Variants in ZFP91 observed in about 807,000 individuals in gnomAD.
The protein encoded by ZFP91 is E3 ubiquitin-protein ligase ZFP91.
In ZFP91, 7 loss-of-function variants were observed where a neutral mutation model predicts 63.5. The observed-to-expected ratio is 0.11, with a 90% CI of 0.06 to 0.21. The LOEUF (loss-of-function observed/expected upper bound fraction) is 0.21. Among genes scored for constraint, ZFP91 ranks in the 10% least tolerant of loss-of-function variants. ZFP91 has a pLI of 1.00. For synonymous variants in ZFP91, 330 were observed against 272.1 expected (o/e 1.21, Z -2.10); for missense variants, 628 against 736.6 (o/e 0.85, Z 1.71).
intron 2 of ZFP91, among the ~76,000 whole-genome samples, chr11:58,587,086 C>T (rs1855222917): frequency 6.6e-6 from 1 of 152,004 alleles, no homozygotes; most frequent in East Asian, 1.9e-4. Context: ...AATTAAGTTG[C>T]AAAGTTGCAA....
intron 2 of ZFP91, among the ~76,000 whole-genome samples, chr11:58,595,584 T>G (rs956521150): frequency 3.3e-5 from 5 of 151,860 alleles, no homozygotes; most frequent in African/African-American, 1.2e-4. Context: ...TTTTTTTTTT[T>G]TTTTTGGTTT....
In ZFP91 at chr11:58,584,880, TA is replaced by T; in HGVS notation, c.369del (p.Asp124IlefsTer95). On this transcript the variant is annotated frameshift_variant, in exon 2 of 11. Coordinates refer to ENST00000316059, the MANE Select transcript of ZFP91 (RefSeq NM_053023.5). LOFTEE classifies it high-confidence loss of function. ...GATGCATAGAAAAAGTAACAACTGA[TA>T]AAGGTAAGACTTGGTCATCCTTACC... The part of the protein sequence containing the change: ...LLCIEKVTTD[K>X]DPKEEKEEED... 1 of 1,529,496 alleles carries T rather than the reference TA, an allele frequency of 6.5e-7. No homozygotes were observed. Among genetic ancestry groups the T allele is most frequent in the Non-Finnish European group, 8.7e-7 (1 of 1,147,624 alleles). 94.7% of individuals were successfully genotyped at this position (1,529,496 alleles called of 1,614,324 possible). A position where few individuals can be genotyped will look rare whatever the true frequency, so the allele number is the denominator to read the frequency against.
At chr11:58,608,207 C>CAT (rs1380879869) in intron 2 of ZFP91, among the ~76,000 whole-genome samples, 2 of 151,430 alleles carry the variant, frequency 1.3e-5, no homozygotes, top group Non-Finnish European at 2.9e-5. Context: ...ATATATCTTA[C>CAT]ATATATATCT....
chr11:58,579,413 C>A lies in ZFP91; in HGVS notation c.132C>A (p.Thr44=). ...CGGTCGCGGCGGCGCCTGCAGGGACCACTAGCAGCCGCGTGCTGAGGGGAG... is the reference window on the plus strand; with the variant it reads ...CGGTCGCGGCGGCGCCTGCAGGGACAACTAGCAGCCGCGTGCTGAGGGGAG... The part of the protein sequence containing the change: ...PEAVAAAPAG[T]TSSRVLRGGR... The change falls in exon 1 of 11, where the codon ACC becomes ACA. Residue 44 remains threonine (T), a synonymous_variant. Transcript: ENST00000316059. The A allele has an allele frequency of 6.9e-7, 1 of 1,453,672 alleles. No individual in the cohort carries two copies. 90.0% of individuals were successfully genotyped at this position (1,453,672 alleles called of 1,614,324 possible). A position where few individuals can be genotyped will look rare whatever the true frequency, so the allele number is the denominator to read the frequency against.
chr11:58,617,520 G>A lies in ZFP91; in HGVS notation c.1527G>A (p.Leu509=). The change falls in exon 11 of 11, where the codon CTG becomes CTA. Residue 509 remains leucine, a synonymous_variant. Coordinates refer to ENST00000316059, the MANE Select transcript of ZFP91 (RefSeq NM_053023.5). The surrounding 1 kb of genome is among the most constrained non-coding windows in gnomAD (Gnocchi z 4.2). ...LGNSTSGECL[L]LEAEGMSKSY... ...ACTCAACCTCTGGAGAGTGCCTACTGTTAGAAGCTGAAGGGATGTCAAAGT... is the reference window on the plus strand; with the variant it reads ...ACTCAACCTCTGGAGAGTGCCTACTATTAGAAGCTGAAGGGATGTCAAAGT... 6.2e-7 allele frequency: 1 copy of A among 1,614,108 alleles called. No homozygotes were observed. Among genetic ancestry groups the A allele is most frequent in the Non-Finnish European group, 8.5e-7 (1 of 1,179,990 alleles).
chr11:58,606,211 G>A (rs975619081), intron 2 of ZFP91, among the ~76,000 whole-genome samples: 5 of 151,928 alleles, frequency 3.3e-5, no homozygotes, highest in African/African-American at 7.3e-5. Context: ...ACAGGGATGC[G>A]CTGCTACAAG....
rs573102111 is a variant in ZFP91, at chr11:58,582,070, A to G, written c.341+2448A>G. ...TAATCTGGAAATCAGAGGAATGCTA[A>G]AGCATTTTAGCTTGGCAAACTTGTT... On this transcript the variant is annotated intron_variant, in intron 1 of 10. Transcript: ENST00000316059. Among the ~76,000 whole-genome samples the G allele has an allele frequency of 3.3e-4, 51 of 152,322 alleles. No individual in the cohort carries two copies. The South Asian group carries it at 6.4e-3, about 19-fold the overall frequency.
In ZFP91 at chr11:58,620,889, G is replaced by A. The variant is rs1287657693; in HGVS notation, c.*3183G>A. ...CCTTCTCCTTTCATGGGAGAGACAG[G>A]TAGTTACCTGAATATAGGTTGAAAA... On this transcript the variant is annotated 3_prime_UTR_variant, in exon 11 of 11. Transcript: ENST00000316059. 6.6e-6 allele frequency: 1 copy of A among 152,554 alleles called. No homozygotes were observed. Among genetic ancestry groups the A allele is most frequent in the African/African-American group, 2.4e-5 (1 of 41,410 alleles). 9.5% of individuals were successfully genotyped at this position (152,554 alleles called of 1,614,324 possible). A position where few individuals can be genotyped will look rare whatever the true frequency, so the allele number is the denominator to read the frequency against.
At chr11:58,609,419 T>C (rs140545877) in intron 2 of ZFP91, among the ~76,000 whole-genome samples, 37 of 152,340 alleles carry the variant, frequency 2.4e-4, no homozygotes, top group Middle Eastern at 6.8e-3. Context: ...TATAGACTTG[T>C]TTGGTTGTAA....
At position 58,617,568 on chromosome 11, in the gene ZFP91, G is replaced by A; in HGVS notation, c.1575G>A (p.Arg525=). 1.2e-6 allele frequency: 2 copies of A among 1,612,364 alleles called. No homozygotes were observed. Among genetic ancestry groups the A allele is most frequent in the Non-Finnish European group, 1.7e-6 (2 of 1,179,274 alleles). Residue 525 remains arginine (R), a synonymous_variant, in exon 11 of 11, where the codon CGG becomes CGA. Transcript: ENST00000316059. This position sits in a 1 kb window ranked among gnomAD's most constrained non-coding sequence, Gnocchi z 4.2. ...MSKSYCSGTE[R]VSLMADGKIF... ...AGTCATACTGCAGTGGGACGGAACGGGTGAGCCTGATGGCTGATGGGAAGA... is the reference window on the plus strand; with the variant it reads ...AGTCATACTGCAGTGGGACGGAACGAGTGAGCCTGATGGCTGATGGGAAGA...
chr11:58,602,886 G>A (rs766395893), intron 2 of ZFP91, among the ~76,000 whole-genome samples: 103 of 152,310 alleles, frequency 6.8e-4, no homozygotes, highest in Non-Finnish European at 1.3e-3. Flanking sequence ...GGCTGAGGCA[G>A]GAGAATTGCT....
chr11:58,594,026 G>A (rs1855353563), intron 2 of ZFP91, among the ~76,000 whole-genome samples: 5 of 152,126 alleles, frequency 3.3e-5, no homozygotes, highest in Admixed American at 1.3e-4. Context: ...TGGTTACCTA[G>A]CATCTACTCT....
At chr11:58,605,611 C>T (rs927356962) in intron 2 of ZFP91, among the ~76,000 whole-genome samples, 2 of 151,852 alleles carry the variant, frequency 1.3e-5, no homozygotes, top group African/African-American at 4.8e-5. Flanking sequence ...CTTCTGACTT[C>T]CATGGTTTCT....
chr11:58,586,510 T>G (rs1214454203), intron 2 of ZFP91, among the ~76,000 whole-genome samples: 1 of 152,242 alleles, frequency 6.6e-6, no homozygotes, highest in African/African-American at 2.4e-5. Flanking sequence ...TCTGGATAAT[T>G]TGATCCGAAG....
At chr11:58,587,444 C>T (rs753925664) in intron 2 of ZFP91, among the ~76,000 whole-genome samples, 115 of 152,040 alleles carry the variant, frequency 7.6e-4, no homozygotes, top group Non-Finnish European at 9.7e-4. Context: ...GAGATTACAC[C>T]TGAATATGCA....
Position 58,579,207 on chromosome 11 carries a change from G to C in ZFP91, c.-75G>C, listed in dbSNP as rs1403755316. ...CGCAGGCTTCGGGAGGCGAGGGGGC[G>C]GGGGGAGCAGCGCCGAGGCCGCCGC... is the stretch of plus-strand genomic sequence containing the variant. On this transcript the variant is annotated 5_prime_UTR_variant, in exon 1 of 11. Coordinates refer to ENST00000316059, the MANE Select transcript of ZFP91 (RefSeq NM_053023.5). 1.1e-4 allele frequency: 138 copies of C among 1,235,516 alleles called. No individual in the cohort carries two copies. The highest frequency in any genetic ancestry group is 1.3e-4 in the Non-Finnish European group (123 of 953,086). 76.5% of individuals were successfully genotyped at this position (1,235,516 alleles called of 1,614,324 possible).
In ZFP91 at chr11:58,621,045, A is replaced by C. The variant is rs588091; in HGVS notation, c.*3339A>C. ...AAATAAAAGTTGTCTTCATGGAAGC[A>C]ACTTGTCTTCCTTGGTTGTACTGAG... On this transcript the variant is annotated 3_prime_UTR_variant, in exon 11 of 11. Transcript: ENST00000316059. 1.3e-5 allele frequency: 2 copies of C among 152,674 alleles called. No individual in the cohort carries two copies. The highest frequency in any genetic ancestry group is 2.9e-5 in the Non-Finnish European group (2 of 68,046). The allele number at this position is 152,674 out of a possible 1,614,324, so 9.5% of individuals were successfully genotyped here.
intron 2 of ZFP91, among the ~76,000 whole-genome samples, chr11:58,608,077 A>G (rs1855597353): frequency 6.6e-6 from 1 of 151,834 alleles, no homozygotes; most frequent in African/African-American, 2.4e-5. Flanking sequence ...ATATATATAT[A>G]TACACACACA....
chr11:58,614,600 A>G (rs373389137), intron 9 of ZFP91, among the ~76,000 whole-genome samples: 8 of 152,198 alleles, frequency 5.3e-5, no homozygotes, highest in Admixed American at 2.0e-4. Context: ...TTCTGTATCA[A>G]CTGTGGACTA....
Sources: allele counts gnomAD v4.1 joint callset (sites outside exome capture counted in the v4.1 genomes callset), GRCh38; gene constraint gnomAD v4.1.1; non-coding constraint Gnocchi (gnomAD v3.1); transcripts MANE v1.5; gene names NCBI Gene and HGNC (gene_info 2026-07-23, HGNC 2026-07-21).